Variants in IER3IP1 observed in about 807,000 individuals in gnomAD.
IER3IP1 encodes the protein immediate early response 3-interacting protein 1.
Under a neutral mutation model 12.2 loss-of-function variants are expected in IER3IP1, and 16 were observed. That is an observed-to-expected ratio of 1.31 (90% confidence interval 0.89 to 1.99). The LOEUF (loss-of-function observed/expected upper bound fraction) is 1.99, where lower values mean the gene tolerates loss of function less well. Ranked by LOEUF, IER3IP1 falls within the 30% of genes most tolerant of loss-of-function variation. IER3IP1 has a pLI of 0.00. For missense variants in IER3IP1, 95 were observed against 95.8 expected (o/e 0.99, Z 0.03); for synonymous variants, 42 against 40.0 (o/e 1.05, Z -0.19).
In IER3IP1 at chr18:47,155,428, CTGT is replaced by C. The variant is rs1031944995; in HGVS notation, c.*746_*748del. 4 of 151,790 alleles carry C rather than the reference CTGT, an allele frequency of 2.6e-5. No homozygotes were observed. Among genetic ancestry groups the C allele is most frequent in the African/African-American group, 7.3e-5 (3 of 41,274 alleles). 9.4% of individuals were successfully genotyped at this position (151,790 alleles called of 1,614,324 possible). ...CTGCTCTTGTGGGCTAATATTTACGCTGTTGTTTTTTTTAAATCATCATTGTAA... is the reference window on the plus strand; with the variant it reads ...CTGCTCTTGTGGGCTAATATTTACGCTGTTTTTTTTAAATCATCATTGTAA... On this transcript the variant is annotated 3_prime_UTR_variant, in exon 3 of 3. Transcript: ENST00000256433.
At chr18:47,166,787 C>T (rs903121657) in intron 1 of IER3IP1, among the ~76,000 whole-genome samples, 4 of 152,028 alleles carry the variant, frequency 2.6e-5, no homozygotes, top group Non-Finnish European at 5.9e-5. Flanking sequence ...ACCTAGGCAA[C>T]AAGAAAGCAC....
chr18:47,168,300 A>C (rs4986184), intron 1 of IER3IP1, among the ~76,000 whole-genome samples: 1 of 93,412 alleles, frequency 1.1e-5, no homozygotes, highest in Non-Finnish European at 2.4e-5. Flanking sequence ...AGACTCCATC[A>C]CAAAAAAAAA....
intron 1 of IER3IP1, 63 bp downstream of exon 1, chr18:47,176,124 T>C (rs907299172): frequency 5.9e-6 from 8 of 1,366,642 alleles, no homozygotes; most frequent in Non-Finnish European, 8.1e-6. Context: ...CGCGGCCCCA[T>C]TAGGTTACGC....
intron 1 of IER3IP1, among the ~76,000 whole-genome samples, chr18:47,169,237 T>A (rs1428783723): frequency 2.6e-5 from 4 of 152,216 alleles, no homozygotes; most frequent in Non-Finnish European, 5.9e-5. Context: ...ATATAATGAT[T>A]TCAAGGTTCA....
chr18:47,175,957 A>T (rs1490342972), intron 1 of IER3IP1, among the ~76,000 whole-genome samples: 1 of 151,940 alleles, frequency 6.6e-6, no homozygotes, highest in Non-Finnish European at 1.5e-5. Flanking sequence ...ACTGACTTCT[A>T]TATCCCTCCA....
chr18:47,159,311 A>T (rs1435859965), intron 1 of IER3IP1, among the ~76,000 whole-genome samples: 2 of 152,252 alleles, frequency 1.3e-5, no homozygotes, highest in Non-Finnish European at 2.9e-5. Context: ...GCAATTGACC[A>T]AAGAGCCAAG....
At chr18:47,161,230 G>A (rs547063388) in intron 1 of IER3IP1, among the ~76,000 whole-genome samples, 1 of 152,198 alleles carries the variant, frequency 6.6e-6, no homozygotes, top group East Asian at 1.9e-4. Flanking sequence ...CTAAATAATG[G>A]TTGTTTGCTT....
At position 47,154,501 on chromosome 18, in the gene IER3IP1, G is replaced by A. The variant is rs2063951398; in HGVS notation, c.*1676C>T. Reference sequence around the variant, plus strand: ...ATGTCTTATATGAAAAATAACATCAGATCAAGGTCTCTCTTTTCTTTCATT... The same window carrying A: ...ATGTCTTATATGAAAAATAACATCAAATCAAGGTCTCTCTTTTCTTTCATT... On this transcript the variant is annotated 3_prime_UTR_variant, in exon 3 of 3. Coordinates refer to ENST00000256433, the MANE Select transcript of IER3IP1 (RefSeq NM_016097.5). 6.6e-6 allele frequency: 1 copy of A among 152,176 alleles called. No individual in the cohort carries two copies. The highest frequency in any genetic ancestry group is 6.5e-5 in the Admixed American group (1 of 15,284). 9.4% of individuals were successfully genotyped at this position (152,176 alleles called of 1,614,324 possible).
intron 1 of IER3IP1, among the ~76,000 whole-genome samples, chr18:47,160,144 G>A (rs1474012650): frequency 4.0e-5 from 6 of 151,360 alleles, no homozygotes; most frequent in Admixed American, 6.6e-5. Flanking sequence ...GTGGTGAGCC[G>A]AGACCGTGCC....
In IER3IP1 at chr18:47,174,508, C is replaced by T. The variant is rs143137125; in HGVS notation, c.91+1679G>A. Among the ~76,000 whole-genome samples the T allele has an allele frequency of 2.7e-3, 411 of 152,052 alleles. 2 individuals carry two copies. The highest frequency in any genetic ancestry group is 5.4e-3 in the Admixed American group (82 of 15,272). On this transcript the variant is annotated intron_variant, in intron 1 of 2. Coordinates refer to ENST00000256433, the MANE Select transcript of IER3IP1 (RefSeq NM_016097.5). ...ACATGGTGAAACCCCATTTCTACTA[C>T]AAATACAAAAATTAGCCAGGCTTGG...
intron 1 of IER3IP1, among the ~76,000 whole-genome samples, chr18:47,169,398 T>G (rs1481855715): frequency 2.0e-5 from 3 of 152,198 alleles, no homozygotes; most frequent in African/African-American, 7.2e-5. Context: ...GAACATTCCA[T>G]GTTTGTTTTC....
intron 1 of IER3IP1, among the ~76,000 whole-genome samples, chr18:47,165,634 T>C (rs1044152205): frequency 6.6e-6 from 1 of 152,048 alleles, no homozygotes; most frequent in African/African-American, 2.4e-5. Context: ...TTCCATTTAA[T>C]CCCTGATAAA....
chr18:47,168,271 C>T, intron 1 of IER3IP1, among the ~76,000 whole-genome samples: 1 of 142,540 alleles, frequency 7.0e-6, no homozygotes, highest in Non-Finnish European at 1.5e-5. Flanking sequence ...CATTGCACTC[C>T]AGCCTGGGCC....
intron 1 of IER3IP1, among the ~76,000 whole-genome samples, chr18:47,159,543 G>A (rs999083488): frequency 3.9e-5 from 6 of 152,096 alleles, no homozygotes; most frequent in South Asian, 2.1e-4. Flanking sequence ...TGCAAATGAT[G>A]TAAAGATGAA....
At chr18:47,168,337 A>C (rs1171884476) in intron 1 of IER3IP1, among the ~76,000 whole-genome samples, 2 of 151,394 alleles carry the variant, frequency 1.3e-5, no homozygotes, top group Non-Finnish European at 2.9e-5. Context: ...AAATCCCTTA[A>C]GTTTCACCTA....
At chr18:47,173,399 T>G (rs1347115429) in intron 1 of IER3IP1, among the ~76,000 whole-genome samples, 1 of 152,120 alleles carries the variant, frequency 6.6e-6, no homozygotes, top group Non-Finnish European at 1.5e-5. Flanking sequence ...CAGGTTGGAG[T>G]GCAGTGGCGT....
intron 1 of IER3IP1, among the ~76,000 whole-genome samples, chr18:47,159,066 T>C (rs2063971109): frequency 6.6e-6 from 1 of 152,162 alleles, no homozygotes; most frequent in Admixed American, 6.5e-5. Context: ...AATGACAGCA[T>C]ATATATATTT....
chr18:47,169,874 T>C (rs1224220325), intron 1 of IER3IP1, among the ~76,000 whole-genome samples: 2 of 152,156 alleles, frequency 1.3e-5, no homozygotes, highest in African/African-American at 4.8e-5. Flanking sequence ...ACCTGAGTTG[T>C]AAATATTTTA....
intron 2 of IER3IP1, 160 bp downstream of exon 2, chr18:47,157,276 A>G (rs1177492455): frequency 4.7e-6 from 3 of 633,252 alleles, no homozygotes; most frequent in East Asian, 2.8e-5. Flanking sequence ...AAACTAAGAA[A>G]AAAAAAAAAA....
Sources: allele counts gnomAD v4.1 joint callset (sites outside exome capture counted in the v4.1 genomes callset), GRCh38; gene constraint gnomAD v4.1.1; transcripts MANE v1.5; gene names NCBI Gene and HGNC (gene_info 2026-07-23, HGNC 2026-07-21).